The following ABHD5 variants were observed in gnomAD, a reference collection of about 807,000 sequenced individuals.
ABHD5 encodes abhydrolase domain containing 5, lysophosphatidic acid acyltransferase.
ABHD5 carries 30 observed loss-of-function variants against 44.9 expected under a neutral mutation model. The ratio of observed to expected loss-of-function variants is 0.67; its 90% confidence interval spans 0.50 to 0.91. ABHD5 has a LOEUF of 0.91. Ranked by LOEUF, ABHD5 falls within the 40% of genes least tolerant of loss-of-function variation. The pLI, the probability that ABHD5 is intolerant of heterozygous loss-of-function variation, is 0.00. For synonymous variants in ABHD5, 167 were observed against 147.0 expected, an observed-to-expected ratio of 1.14 and a Z score of -0.99; for missense variants, 399 against 423.4, an observed-to-expected ratio of 0.94 and a Z score of 0.50.
At chr3:43,709,570 G>A (rs1018920711) in intron 3 of ABHD5, among the ~76,000 whole-genome samples, 5 of 152,160 alleles carry the variant, frequency 3.3e-5, no homozygotes, top group African/African-American at 1.2e-4. Context: ...TTAGGGTAGG[G>A]TATGTTTTAA....
At position 43,699,331 on chromosome 3, in the gene ABHD5, C is replaced by T. The variant is rs1406744666; in HGVS notation, c.103C>T (p.Leu35Phe). ...ATGGTGCCCTACGTCTATATCACAC[C>T]TTAAAGAAGCTGAAGAGAAGATGTT... Reference protein sequence around the residue: ...PTWCPTSISHLKEAEEKMLKC... With the variant: ...PTWCPTSISHFKEAEEKMLKC... The change falls in exon 2 of 7, where the codon CTT becomes TTT. Residue 35 changes from leucine (L) to phenylalanine (F), a missense_variant. By Grantham distance (22) the Leu-to-Phe change is conservative. Coordinates refer to ENST00000644371, the MANE Select transcript of ABHD5 (RefSeq NM_016006.6). 4.3e-6 allele frequency: 7 copies of T among 1,613,970 alleles called. No homozygotes were observed. The East Asian group carries it at 1.6e-4, about 36-fold the overall frequency.
At chr3:43,733,052 A>T (rs529750166) in intron 7 of ABHD5, among the ~76,000 whole-genome samples, 48 of 152,338 alleles carry the variant, frequency 3.2e-4, no homozygotes, top group African/African-American at 1.1e-3. Context: ...GGAGAGTCTA[A>T]CAAGACAGCA....
chr3:43,716,172 C>T (rs1317792187), intron 5 of ABHD5, among the ~76,000 whole-genome samples: 2 of 152,092 alleles, frequency 1.3e-5, no homozygotes, highest in Non-Finnish European at 2.9e-5. Flanking sequence ...TGATAAGGCC[C>T]TAGAGTTTCT....
At position 43,715,017 on chromosome 3, in the gene ABHD5, T is replaced by A; in HGVS notation, c.732T>A (p.Thr244=). 1 of 1,613,554 alleles carries A rather than the reference T, an allele frequency of 6.2e-7. No homozygotes were observed. The highest frequency in any genetic ancestry group is 8.5e-7 in the Non-Finnish European group (1 of 1,179,740). The change falls in exon 5 of 7, where the codon ACT becomes ACA. Residue 244 remains threonine (T), a synonymous_variant. Transcript: ENST00000644371. ...ATTCTTCAATGTTCGAAGACGATAC[T>A]GTGACAGAATACATCTACCACTGTA... ...RKYSSMFEDD[T]VTEYIYHCNV...
intron 2 of ABHD5, 146 bp from the exon 3 acceptor site, chr3:43,702,069 G>A (rs750687262): frequency 2.5e-5 from 18 of 712,530 alleles, no homozygotes; most frequent in Non-Finnish European, 3.8e-5. Flanking sequence ...TCAATAAAAT[G>A]TGTACTTTTT....
At chr3:43,728,913 C>T (rs1001849616) in intron 7 of ABHD5, among the ~76,000 whole-genome samples, 4 of 152,214 alleles carry the variant, frequency 2.6e-5, no homozygotes, top group Admixed American at 1.3e-4. Context: ...TCTCACTGCA[C>T]TTCCAAATTG....
chr3:43,694,646 T>G (rs538679886), intron 1 of ABHD5, among the ~76,000 whole-genome samples: 2 of 152,162 alleles, frequency 1.3e-5, no homozygotes, highest in East Asian at 3.9e-4. Context: ...GGGAGATACG[T>G]GTTACCAGCA....
At position 43,711,796 on chromosome 3, in the gene ABHD5, C is replaced by A; in HGVS notation, c.594C>A (p.Ile198=). 5 of 1,614,202 alleles carry A rather than the reference C, an allele frequency of 3.1e-6. No individual in the cohort carries two copies. Among genetic ancestry groups the A allele is most frequent in the Non-Finnish European group, 4.2e-6 (5 of 1,180,032 alleles). Residue 198 remains isoleucine (I), a synonymous_variant, in exon 4 of 7, where the codon ATC becomes ATA. Transcript: ENST00000644371. ...ADQDRPIPVW[I]RALGAALTPF... The stretch of plus-strand genomic sequence containing the variant: ...AAGACAGACCAATTCCAGTTTGGAT[C>A]AGAGCCTTGGGAGCAGCATTGACTC...
chr3:43,699,491 C>T, intron 2 of ABHD5, 130 bp downstream of exon 2: 1 of 920,866 alleles, frequency 1.1e-6, no homozygotes, highest in Non-Finnish European at 1.7e-6. Context: ...TTTCCTTTTC[C>T]TTGTCATTAG....
rs372142426 is a variant in ABHD5 at position 43,691,126 on chromosome 3, G to A, written c.47+87G>A. The A allele has an allele frequency of 1.4e-5, 18 of 1,305,996 alleles. No homozygotes were observed. In the South Asian group the frequency reaches 3.6e-4, roughly 26 times the overall value. The allele number at this position is 1,305,996 out of a possible 1,614,324, so 80.9% of individuals were successfully genotyped here. ...TTAGGGCCCAGCGGGCAGCACCAAG[G>A]AGTCGCCGCCCGCCTGGCGACGACG... On this transcript the variant is annotated intron_variant, in intron 1 of 6. Transcript: ENST00000644371.
Position 43,714,834 on chromosome 3 carries a change from A to ATG in ABHD5, c.662-108_662-107dup, listed in dbSNP as rs1267844762. 2.9e-4 allele frequency: 202 copies of ATG among 686,856 alleles called. 1 individual carries two copies. The African/African-American group carries it at 3.3e-3, about 11-fold the overall frequency. The allele number at this position is 686,856 out of a possible 1,614,324, so 42.5% of individuals were successfully genotyped here. On this transcript the variant is annotated intron_variant, in intron 4 of 6. Transcript: ENST00000644371. ...AATATATATTTGAATACATATATATATGTGTGCATATAACACTCATTACAC... is the reference window on the plus strand; with the variant it reads ...AATATATATTTGAATACATATATATATGTGTGTGCATATAACACTCATTACAC...
intron 3 of ABHD5, among the ~76,000 whole-genome samples, chr3:43,709,048 A>G (rs2084656067): frequency 6.6e-6 from 1 of 152,220 alleles, no homozygotes; most frequent in African/African-American, 2.4e-5. Context: ...CATCTGGGGG[A>G]CCAGAAAAAT....
At chr3:43,716,633 AGATTGAGGTTTTGT>A (rs1331354233) in intron 5 of ABHD5, among the ~76,000 whole-genome samples, 1 of 152,110 alleles carries the variant, frequency 6.6e-6, no homozygotes, top group Admixed American at 6.6e-5. Flanking sequence ...GGTCTTCAAG[AGATTGAGGTTTTGT>A]GAATTGCTAG....
chr3:43,701,503 G>T (rs2084541784), intron 2 of ABHD5, among the ~76,000 whole-genome samples: 1 of 152,076 alleles, frequency 6.6e-6, no homozygotes, highest in South Asian at 2.1e-4. Flanking sequence ...TCATTTTTAG[G>T]CAATTTTTGG....
At chr3:43,691,212 C>A in intron 1 of ABHD5, 173 bp downstream of exon 1, 2 of 557,410 alleles carry the variant, frequency 3.6e-6, no homozygotes, top group South Asian at 5.2e-5. Context: ...GTCCCGGCGC[C>A]GCTCTGCCTG....
rs763361774 is a variant in ABHD5 at position 43,717,783 on chromosome 3, G to GC, written c.889dup (p.Arg297ProfsTer60). 3 of 1,614,188 alleles carry GC rather than the reference G, an allele frequency of 1.9e-6. No individual in the cohort carries two copies. The highest frequency in any genetic ancestry group is 2.5e-6 in the Non-Finnish European group (3 of 1,180,040). On this transcript the variant is annotated frameshift_variant, in exon 6 of 7. Coordinates refer to ENST00000644371, the MANE Select transcript of ABHD5 (RefSeq NM_016006.6). LOFTEE classifies it high-confidence loss of function. ...CATTCCAGTTTCAGTGATCTTTGGC[G>GC]CCCGATCCTGCATAGATGGCAATTC...
intron 3 of ABHD5, among the ~76,000 whole-genome samples, chr3:43,710,948 A>G (rs2084681466): frequency 6.6e-6 from 1 of 152,244 alleles, no homozygotes; most frequent in South Asian, 2.1e-4. Flanking sequence ...TAAGATGGAA[A>G]AATTAAAATG....
intron 4 of ABHD5, among the ~76,000 whole-genome samples, chr3:43,714,541 A>G (rs1575605858): frequency 6.6e-6 from 1 of 152,210 alleles, no homozygotes; most frequent in South Asian, 2.1e-4. Context: ...ACACAGAAAT[A>G]ATTATGTATA....
chr3:43,703,080 C>T (rs2084565567), intron 3 of ABHD5, among the ~76,000 whole-genome samples: 1 of 152,064 alleles, frequency 6.6e-6, no homozygotes, highest in Non-Finnish European at 1.5e-5. Context: ...GCATATATCC[C>T]AGGGTTTTTT....
Sources: allele counts gnomAD v4.1 joint callset (sites outside exome capture counted in the v4.1 genomes callset), GRCh38; gene constraint gnomAD v4.1.1; transcripts MANE v1.5; gene names NCBI Gene and HGNC (gene_info 2026-07-23, HGNC 2026-07-21).